AHI1: variants seen among roughly 807,000 people sequenced by gnomAD.
The protein encoded by AHI1 is jouberin.
A neutral mutation model predicts 149.3 loss-of-function variants in AHI1; 123 were observed. The ratio of observed to expected loss-of-function variants is 0.82; its 90% CI spans 0.71 to 0.96. The LOEUF is 0.96. Among genes scored for constraint, AHI1 ranks in the 40% least tolerant of loss-of-function variants. The pLI, the probability that AHI1 is intolerant of heterozygous loss-of-function variation, is 0.00. For missense variants in AHI1, 1,439 were observed against 1,422.7 expected, an observed-to-expected ratio of 1.01 and a Z score of -0.18; for synonymous variants, 475 against 459.8, an observed-to-expected ratio of 1.03 and a Z score of -0.42.
At chr6:135,376,212 G>A (rs1775892148) in intron 23 of AHI1, among the ~76,000 whole-genome samples, 1 of 152,068 alleles carries the variant, frequency 6.6e-6, no homozygotes, top group African/African-American at 2.4e-5. Flanking sequence ...AATTATTTCA[G>A]GCTAGGATCA....
rs28707495 is a variant in AHI1 at position 135,351,091 on chromosome 6, C to A, written c.3165+7041G>T. Among the ~76,000 whole-genome samples, 391 of 145,718 alleles carry A rather than the reference C, an allele frequency of 2.7e-3. 1 individual carries two copies. The highest frequency in any genetic ancestry group is 9.5e-3 in the African/African-American group (365 of 38,406). On this transcript the variant is annotated intron_variant, in intron 24 of 28. Coordinates refer to ENST00000265602, the MANE Select transcript of AHI1 (RefSeq NM_001134831.2). ...TTCTGCATTGATTTCAGGGAAGAGTCACAATATGCAATAAACAAATACATA... is the reference window on the plus strand; with the variant it reads ...TTCTGCATTGATTTCAGGGAAGAGTAACAATATGCAATAAACAAATACATA...
intron 26 of AHI1, among the ~76,000 whole-genome samples, chr6:135,316,536 C>A (rs536449273): frequency 6.6e-6 from 1 of 152,154 alleles, no homozygotes; most frequent in Admixed American, 6.5e-5. Context: ...TCTTCTTGAA[C>A]CTCTCTACCT....
chr6:135,320,734 A>T (rs892369130), intron 25 of AHI1, among the ~76,000 whole-genome samples: 1 of 152,238 alleles, frequency 6.6e-6, no homozygotes, highest in Non-Finnish European at 1.5e-5. Context: ...GAGAAAATTT[A>T]AAAAATATTT....
intron 20 of AHI1, among the ~76,000 whole-genome samples, chr6:135,423,399 C>T (rs1280325212): frequency 1.3e-5 from 2 of 152,062 alleles, no homozygotes; most frequent in Admixed American, 6.6e-5. Context: ...AAATATCACA[C>T]GCTTCTAGGC....
At chr6:135,449,276 C>T (rs931484246) in intron 11 of AHI1, among the ~76,000 whole-genome samples, 3 of 152,132 alleles carry the variant, frequency 2.0e-5, no homozygotes, top group African/African-American at 4.8e-5. Context: ...TCTTGAACTC[C>T]TGGCCTCAGG....
At chr6:135,332,260 G>T (rs2614278) in intron 24 of AHI1, among the ~76,000 whole-genome samples, 82,587 of 151,912 alleles carry the variant, frequency 0.54, 22,614 homozygotes, top group Middle Eastern at 0.65. Flanking sequence ...AGTAGAGATG[G>T]GGTTTCACCA....
In AHI1 at chr6:135,482,531, C is replaced by A. The variant is rs183934444; in HGVS notation, c.135+8092G>T. 5.5e-3 allele frequency among the ~76,000 whole-genome samples: 839 copies of A among 151,636 alleles called. 4 individuals carry two copies. Among genetic ancestry groups the A allele is most frequent in the Middle Eastern group, 0.01 (3 of 294 alleles). ...TTGTTATTTCTTGACATTTACTGAT[C>A]ATTTTAATGCACTGTCCAGTATGCT... On this transcript the variant is annotated intron_variant, in intron 5 of 28. Transcript: ENST00000265602.
chr6:135,391,900 C>T (rs146421384), intron 23 of AHI1, among the ~76,000 whole-genome samples: 20 of 152,170 alleles, frequency 1.3e-4, no homozygotes, highest in South Asian at 4.2e-4. Flanking sequence ...GGAGTAATCA[C>T]GAGTGGCTCC....
intron 26 of AHI1, among the ~76,000 whole-genome samples, chr6:135,304,334 T>A (rs1179537816): frequency 1.3e-5 from 2 of 152,248 alleles, no homozygotes; most frequent in Non-Finnish European, 2.9e-5. Context: ...ATTATGGGCA[T>A]GAGCCACTGG....
intron 26 of AHI1, among the ~76,000 whole-genome samples, chr6:135,313,840 A>G (rs1012481081): frequency 6.6e-6 from 1 of 152,206 alleles, no homozygotes; most frequent in African/African-American, 2.4e-5. Flanking sequence ...GGCAGAGTCA[A>G]TGTTAACTCA....
chr6:135,335,520 CA>C (rs893952258), intron 24 of AHI1, among the ~76,000 whole-genome samples: 1 of 149,744 alleles, frequency 6.7e-6, no homozygotes. Flanking sequence ...TATTCCTTTT[CA>C]AAAAAAAGGG....
chr6:135,459,876 T>C (rs886729267), intron 8 of AHI1, among the ~76,000 whole-genome samples: 4 of 152,084 alleles, frequency 2.6e-5, no homozygotes, highest in South Asian at 2.1e-4. Flanking sequence ...TGATTGCATA[T>C]GTAGAAAAAT....
At chr6:135,331,563 C>T (rs1295988306) in intron 24 of AHI1, among the ~76,000 whole-genome samples, 1 of 152,166 alleles carries the variant, frequency 6.6e-6, no homozygotes, top group African/African-American at 2.4e-5. Flanking sequence ...CTGAAGAATT[C>T]TCAGTGACGC....
intron 6 of AHI1, among the ~76,000 whole-genome samples, chr6:135,466,703 A>ATT (rs1193517644): frequency 6.6e-6 from 1 of 152,212 alleles, no homozygotes; most frequent in Non-Finnish European, 1.5e-5. Flanking sequence ...TCTACACTCT[A>ATT]ATAGATATTC....
intron 24 of AHI1, among the ~76,000 whole-genome samples, chr6:135,334,245 C>T (rs1029934637): frequency 7.2e-5 from 11 of 152,056 alleles, no homozygotes; most frequent in African/African-American, 1.2e-4. Context: ...ACTTAATCAT[C>T]GATGTGATGA....
rs989577166 is a variant in AHI1, at chr6:135,465,698, A to G, written c.749+116T>C. The G allele has an allele frequency of 7.3e-6, 6 of 825,256 alleles. No individual in the cohort carries two copies. In the Admixed American group the frequency reaches 1.5e-4, roughly 20 times the overall value. The allele number at this position is 825,256 out of a possible 1,614,324, so 51.1% of individuals were successfully genotyped here. A position where few individuals can be genotyped will look rare whatever the true frequency, so the allele number is the denominator to read the frequency against. ...GTTAGCTGTTCTTATCTTAGTGACA[A>G]TGTCTCCAAATAAAAGCGTAAGAAT... On this transcript the variant is annotated intron_variant, in intron 7 of 28. Transcript: ENST00000265602.
chr6:135,370,629 T>A (rs1016559674), intron 23 of AHI1, among the ~76,000 whole-genome samples: 10 of 152,334 alleles, frequency 6.6e-5, no homozygotes, highest in Middle Eastern at 3.4e-3. Flanking sequence ...TGCAGTAGGG[T>A]TCATTTCTCT....
At chr6:135,438,982 G>C (rs1785840867) in intron 14 of AHI1, among the ~76,000 whole-genome samples, 1 of 152,126 alleles carries the variant, frequency 6.6e-6, no homozygotes. Flanking sequence ...GATAGTATGG[G>C]AATTAACAAT....
chr6:135,322,883 G>A (rs1228778339), intron 25 of AHI1, among the ~76,000 whole-genome samples: 1 of 152,188 alleles, frequency 6.6e-6, no homozygotes, highest in African/African-American at 2.4e-5. Flanking sequence ...CAGGTGGCAG[G>A]GTCAAATGAG....
Sources: gnomAD v4.1 joint callset for allele counts (sites outside exome capture counted in the v4.1 genomes callset) on GRCh38, gnomAD v4.1.1 for gene constraint, MANE v1.5 for transcripts, NCBI Gene and HGNC (gene_info 2026-07-23, HGNC 2026-07-21) for gene names.